The following SQSTM1 variants were observed in gnomAD, a reference collection of about 807,000 sequenced individuals.
SQSTM1 encodes the protein sequestosome-1.
SQSTM1 carries 36 observed loss-of-function variants against 45.1 expected under a neutral mutation model. That is an observed-to-expected ratio of 0.80 (90% CI 0.61 to 1.05). SQSTM1 has a LOEUF of 1.05. SQSTM1 is among the 50% of genes least tolerant of loss of function. The pLI, the probability that SQSTM1 is intolerant of heterozygous loss-of-function variation, is 0.00. For missense variants in SQSTM1, 617 were observed against 607.1 expected, an observed-to-expected ratio of 1.02 and a Z score of -0.17; for synonymous variants, 290 against 244.3, an observed-to-expected ratio of 1.19 and a Z score of -1.74.
At chr5:179,816,972 CG>C (rs1397809351), upstream of SQSTM1, among the ~76,000 whole-genome samples, 1 of 152,118 alleles carries the variant, frequency 6.6e-6, no homozygotes, top group Admixed American at 6.5e-5. Flanking sequence ...TACAGCCGCG[CG>C]GGACGGGGCA....
At chr5:179,826,598 G>GTTTTTTTTTTTTTTTTT (rs549477595) in intron 5 of SQSTM1, among the ~76,000 whole-genome samples, 3 of 142,252 alleles carry the variant, frequency 2.1e-5, no homozygotes, top group Non-Finnish European at 1.5e-5. Flanking sequence ...TCGCTAGTCT[G>GTTTTTTTTTTTTTTTTT]TTTTTTTTTT....
intron 7 of SQSTM1, among the ~76,000 whole-genome samples, chr5:179,834,744 C>A (rs1426765949): frequency 1.3e-5 from 2 of 152,074 alleles, no homozygotes; most frequent in African/African-American, 4.8e-5. Context: ...GGTCACAGAT[C>A]AACAGGATAA....
intron 5 of SQSTM1, among the ~76,000 whole-genome samples, chr5:179,832,208 G>C (rs1758260010): frequency 6.6e-6 from 1 of 152,256 alleles, no homozygotes; most frequent in South Asian, 2.1e-4. Flanking sequence ...AGCGTGAGCT[G>C]AAAGGGCACA....
Position 179,806,445 on chromosome 5 carries a change from C to A in SQSTM1, c.-303C>A. The A allele has an allele frequency of 8.5e-7, 1 of 1,182,024 alleles. No homozygotes were observed. The highest frequency in any genetic ancestry group is 1.1e-6 in the Non-Finnish European group (1 of 933,130). The allele number at this position is 1,182,024 out of a possible 1,614,324, so 73.2% of individuals were successfully genotyped here. On this transcript the variant is annotated 5_prime_UTR_variant, in exon 1 of 6. Coordinates refer to the SQSTM1 transcript ENST00000514093. The surrounding 1 kb of genome is among the most constrained non-coding windows in gnomAD (Gnocchi z 4.6). ...GCCGGGCCCGCTCCCGCCGCCGACG[C>A]CCAGGTGCGCCAGGTGCGGGCCGGG...
Position 179,806,622 on chromosome 5 carries a change from T to C in SQSTM1, c.-157+31T>C. 4 of 1,126,408 alleles carry C rather than the reference T, an allele frequency of 3.6e-6. No homozygotes were observed. Among genetic ancestry groups the C allele is most frequent in the Non-Finnish European group, 4.5e-6 (4 of 885,532 alleles). The allele number at this position is 1,126,408 out of a possible 1,614,324, so 69.8% of individuals were successfully genotyped here. On this transcript the variant is annotated intron_variant, in intron 1 of 5. Coordinates refer to the SQSTM1 transcript ENST00000514093. The surrounding 1 kb of genome is among the most constrained non-coding windows in gnomAD (Gnocchi z 4.6). ...CGGCGGGCGCCCGCGGGGCCGAGGC[T>C]GCATGGCCCGGGGGACCGGGGCCGG...
Position 179,838,039 on chromosome 5 carries a change from G to A in SQSTM1, c.*1446G>A. 3.0e-6 allele frequency: 2 copies of A among 670,040 alleles called. No homozygotes were observed. Among genetic ancestry groups the A allele is most frequent in the Non-Finnish European group, 5.0e-6 (2 of 400,866 alleles). The allele number at this position is 670,040 out of a possible 1,614,324, so 41.5% of individuals were successfully genotyped here. A position where few individuals can be genotyped will look rare whatever the true frequency, so the allele number is the denominator to read the frequency against. ...GGACAGGCTTTGATTTTGAGGGTTAGCAAGACAAAGCAAATAAATGCCTTC... is the reference window on the plus strand; with the variant it reads ...GGACAGGCTTTGATTTTGAGGGTTAACAAGACAAAGCAAATAAATGCCTTC... On this transcript the variant is annotated 3_prime_UTR_variant, in exon 8 of 8. Transcript: ENST00000389805.
intron 1 of SQSTM1, chr5:179,821,434 A>AC (rs1420834980): frequency 2.1e-5 from 13 of 606,880 alleles, no homozygotes; most frequent in East Asian, 7.2e-5. Flanking sequence ...GCCCCGCTCC[A>AC]CCCCCCGCGC....
At chr5:179,811,887 C>T (rs1418524747) in intron 2 of SQSTM1, 4 of 152,352 alleles carry the variant, frequency 2.6e-5, no homozygotes, top group East Asian at 1.9e-4. Flanking sequence ...TCACTGCAAG[C>T]TCCACCTCCC....
At chr5:179,821,469 G>A (rs1247179865) in intron 1 of SQSTM1, 1 of 565,044 alleles carries the variant, frequency 1.8e-6, no homozygotes, top group East Asian at 4.2e-5. Context: ...GCAAGGACGC[G>A]CCGGGGCGAA....
chr5:179,836,376 G>C, intron 7 of SQSTM1, 60 bp from the exon 8 acceptor site: 1 of 1,612,572 alleles, frequency 6.2e-7, no homozygotes, highest in South Asian at 1.1e-5. Context: ...CAGGGTATGT[G>C]TTTCGGGTCA....
intron 4 of SQSTM1, 96 bp downstream of exon 4, chr5:179,824,419 T>A: frequency 1.3e-5 from 20 of 1,563,970 alleles, no homozygotes; most frequent in Non-Finnish European, 1.7e-5. Flanking sequence ...AAGGCAAGAA[T>A]TCAGGATACC....
intron 1 of SQSTM1, 149 bp from the exon 2 acceptor site, chr5:179,822,809 C>T (rs1350051679): frequency 4.1e-6 from 3 of 734,702 alleles, no homozygotes; most frequent in East Asian, 5.4e-5. Context: ...GGTAGTCTTG[C>T]CTCTCACTCC....
chr5:179,837,837 G>T lies in SQSTM1; in HGVS notation c.*1244G>T. 1 of 1,612,172 alleles carries T rather than the reference G, an allele frequency of 6.2e-7. No homozygotes were observed. Among genetic ancestry groups the T allele is most frequent in the Non-Finnish European group, 8.5e-7 (1 of 1,180,020 alleles). ...CTGCAGTCTGCAGAGTTCTCCTGGAGGCAGGGGCTGCTGCCTTGTTTCACC... is the reference window on the plus strand; with the variant it reads ...CTGCAGTCTGCAGAGTTCTCCTGGATGCAGGGGCTGCTGCCTTGTTTCACC... On this transcript the variant is annotated 3_prime_UTR_variant, in exon 8 of 8. Transcript: ENST00000389805.
At chr5:179,826,950 C>G (rs776478460) in intron 5 of SQSTM1, among the ~76,000 whole-genome samples, 2 of 152,064 alleles carry the variant, frequency 1.3e-5, no homozygotes, top group Non-Finnish European at 2.9e-5. Context: ...ATTGAGAGAT[C>G]GGCTGTGCCT....
intron 6 of SQSTM1, 100 bp downstream of exon 6, chr5:179,833,346 C>A: frequency 8.2e-7 from 1 of 1,224,220 alleles, no homozygotes; most frequent in Non-Finnish European, 1.2e-6. Flanking sequence ...GCCCCACTTA[C>A]AAACCCGAGG....
In SQSTM1 at chr5:179,837,807, C is replaced by T. The variant is rs767667234; in HGVS notation, c.*1214C>T. ...TCCTTCCCAGGACCCCTCAGCTCCC[C>T]GGCACTGCAGTCTGCAGAGTTCTCC... On this transcript the variant is annotated 3_prime_UTR_variant, in exon 8 of 8. Transcript: ENST00000389805. 94 of 1,613,746 alleles carry T rather than the reference C, an allele frequency of 5.8e-5. No individual in the cohort carries two copies. The highest frequency in any genetic ancestry group is 1.8e-4 in the Admixed American group (11 of 60,010).
chr5:179,836,993 A>G lies in SQSTM1; in HGVS notation c.*400A>G. The G allele has an allele frequency of 4.9e-6, 3 of 612,088 alleles. No individual in the cohort carries two copies. The highest frequency in any genetic ancestry group is 4.0e-5 in the South Asian group (2 of 50,412). 37.9% of individuals were successfully genotyped at this position (612,088 alleles called of 1,614,324 possible). A position where few individuals can be genotyped will look rare whatever the true frequency, so the allele number is the denominator to read the frequency against. On this transcript the variant is annotated 3_prime_UTR_variant, in exon 8 of 8. Transcript: ENST00000389805. Reference sequence around the variant, plus strand: ...TTATTTTCTGCTACAGACCTGGTACACTCTGATTTTAGATAAAGTAAGCCT... The same window carrying G: ...TTATTTTCTGCTACAGACCTGGTACGCTCTGATTTTAGATAAAGTAAGCCT...
chr5:179,837,600 C>A lies in SQSTM1; in HGVS notation c.*1007C>A. 1.9e-6 allele frequency: 3 copies of A among 1,614,058 alleles called. No homozygotes were observed. Among genetic ancestry groups the A allele is most frequent in the Non-Finnish European group, 2.5e-6 (3 of 1,179,932 alleles). On this transcript the variant is annotated 3_prime_UTR_variant, in exon 8 of 8. Coordinates refer to ENST00000389805, the MANE Select transcript of SQSTM1 (RefSeq NM_003900.5). ...ACAGCGGCAGTGGGCCTGCTGAGGC[C>A]TTCTCTTGAGGCCTGTGCTCTGGGG... is the stretch of plus-strand genomic sequence containing the variant.
At chr5:179,834,311 G>T (rs1049718357) in intron 7 of SQSTM1, among the ~76,000 whole-genome samples, 1 of 151,640 alleles carries the variant, frequency 6.6e-6, no homozygotes, top group Non-Finnish European at 1.5e-5. Context: ...ACCAAGGTCC[G>T]TGTGCACAAC....
Sources: allele counts gnomAD v4.1 joint callset (sites outside exome capture counted in the v4.1 genomes callset), GRCh38; gene constraint gnomAD v4.1.1; non-coding constraint Gnocchi (gnomAD v3.1); transcripts MANE v1.5; gene names NCBI Gene and HGNC (gene_info 2026-07-23, HGNC 2026-07-21).